The following GMEB1 variants were observed in gnomAD, a reference collection of about 807,000 sequenced individuals.
GMEB1 encodes glucocorticoid modulatory element-binding protein 1.
Under a neutral mutation model 52.4 loss-of-function variants are expected in GMEB1, and 6 were observed. The ratio of observed to expected loss-of-function variants is 0.11; its 90% CI spans 0.06 to 0.23. The LOEUF (loss-of-function observed/expected upper bound fraction) is 0.23. Ranked by LOEUF, GMEB1 falls within the 10% of genes least tolerant of loss-of-function variation. The pLI is 1.00. For synonymous variants in GMEB1, 255 were observed against 244.9 expected (o/e 1.04, Z -0.38); for missense variants, 486 against 685.6 (o/e 0.71, Z 3.25).
chr1:28,668,847 GGGGGAGGGGTGGGCGCGCGGGCGC>G lies in GMEB1; in HGVS notation c.-31+13_-31+36del, dbSNP rs1668728094. 6.8e-6 allele frequency: 1 copy of G among 146,916 alleles called. No individual in the cohort carries two copies. The highest frequency in any genetic ancestry group is 2.5e-5 in the African/African-American group (1 of 40,806). The allele number at this position is 146,916 out of a possible 1,614,324, so 9.1% of individuals were successfully genotyped here. On this transcript the variant is annotated intron_variant, in intron 1 of 9. Coordinates refer to ENST00000373816, the MANE Select transcript of GMEB1 (RefSeq NM_001319674.2). ...GCCCGCCCGACGGAGACGGTGAGGA[GGGGGAGGGGTGGGCGCGCGGGCGC>G]GGGGTGGGGTGGGGGCGGGGGGGCG...
chr1:28,677,299 C>T (rs1038152172), intron 1 of GMEB1, among the ~76,000 whole-genome samples: 2 of 151,518 alleles, frequency 1.3e-5, no homozygotes, highest in African/African-American at 4.9e-5. Context: ...GCTCTGTCGC[C>T]CAGGTTGGAG....
intron 1 of GMEB1, among the ~76,000 whole-genome samples, chr1:28,680,552 T>C (rs1242253810): frequency 2.0e-5 from 3 of 151,558 alleles, no homozygotes; most frequent in Non-Finnish European, 2.9e-5. Flanking sequence ...CTGGCCAATA[T>C]GGTGAAACCC....
chr1:28,711,611 C>T (rs918798525), intron 9 of GMEB1, among the ~76,000 whole-genome samples: 1 of 152,028 alleles, frequency 6.6e-6, no homozygotes, highest in Non-Finnish European at 1.5e-5. Flanking sequence ...CATGTACCAC[C>T]GTGCCCAGCT....
At chr1:28,686,093 C>T (rs1362033797) in intron 2 of GMEB1, among the ~76,000 whole-genome samples, 1 of 152,088 alleles carries the variant, frequency 6.6e-6, no homozygotes, top group Non-Finnish European at 1.5e-5. Flanking sequence ...GTAATCCTAG[C>T]ACTTTAGGAG....
In GMEB1 at chr1:28,705,277, C is replaced by T. The variant is rs550086746; in HGVS notation, c.868+948C>T. On this transcript the variant is annotated intron_variant, in intron 8 of 9. Coordinates refer to ENST00000373816, the MANE Select transcript of GMEB1 (RefSeq NM_001319674.2). ...CTGGGTATGGTGCACATCTGTAATC[C>T]CAGCTACTTGAGAGGTTGTGGCACG... is the stretch of plus-strand genomic sequence containing the variant. Among the ~76,000 whole-genome samples the T allele has an allele frequency of 1.5e-4, 22 of 151,104 alleles. No homozygotes were observed. The South Asian group carries it at 4.6e-3, about 32-fold the overall frequency.
At chr1:28,685,362 A>C (rs1018981013) in intron 2 of GMEB1, among the ~76,000 whole-genome samples, 5 of 151,980 alleles carry the variant, frequency 3.3e-5, no homozygotes, top group African/African-American at 1.2e-4. Context: ...GGCTCTTGCC[A>C]CCGTGCCTGG....
intron 6 of GMEB1, among the ~76,000 whole-genome samples, chr1:28,699,006 C>T (rs1468628557): frequency 6.6e-6 from 1 of 151,984 alleles, no homozygotes; most frequent in Non-Finnish European, 1.5e-5. Flanking sequence ...AAGAAAAATG[C>T]TTGCTTTACT....
chr1:28,673,496 C>T (rs1668997765), intron 1 of GMEB1, among the ~76,000 whole-genome samples: 1 of 151,956 alleles, frequency 6.6e-6, no homozygotes, highest in Admixed American at 6.6e-5. Context: ...ACCTTGTGAT[C>T]CACCCTCCTT....
intron 9 of GMEB1, among the ~76,000 whole-genome samples, chr1:28,712,904 G>A (rs550459310): frequency 6.6e-6 from 1 of 151,942 alleles, no homozygotes; most frequent in South Asian, 2.1e-4. Flanking sequence ...TGTAATCCCA[G>A]CAATTTGGGA....
At chr1:28,698,402 A>G (rs1180688249) in intron 6 of GMEB1, among the ~76,000 whole-genome samples, 1 of 150,462 alleles carries the variant, frequency 6.6e-6, no homozygotes, top group Non-Finnish European at 1.5e-5. Flanking sequence ...AAGCCTGGGC[A>G]TGGTGGCTCA....
Position 28,714,764 on chromosome 1 carries a change from A to T in GMEB1, c.1683A>T (p.Leu561Phe). 3.7e-6 allele frequency: 6 copies of T among 1,606,134 alleles called. No homozygotes were observed. Among genetic ancestry groups the T allele is most frequent in the Non-Finnish European group, 5.1e-6 (6 of 1,173,062 alleles). Reference sequence around the variant, plus strand: ...TTCACAATGTGGAGATTGTGGTCTTAGAGGATTAACTGGGGATCTCAGGGC... The same window carrying T: ...TTCACAATGTGGAGATTGTGGTCTTTGAGGATTAACTGGGGATCTCAGGGC... ...HQVHNVEIVVLED is the reference protein window; with the variant it reads ...HQVHNVEIVVFED The change falls in exon 10 of 10, where the codon TTA (leucine) becomes TTT (phenylalanine). Residue 561 changes from leucine to phenylalanine, a missense_variant. Leu to Phe is a conservative substitution (Grantham distance 22). This residue lies in a region of GMEB1 where 153 missense variants were observed against 200.8 expected (regional missense o/e 0.76). Coordinates refer to ENST00000373816, the MANE Select transcript of GMEB1 (RefSeq NM_001319674.2).
At chr1:28,684,511 C>T (rs549955371) in intron 2 of GMEB1, among the ~76,000 whole-genome samples, 55 of 146,496 alleles carry the variant, frequency 3.8e-4, no homozygotes, top group East Asian at 2.7e-3. Flanking sequence ...TGTAGTGAGC[C>T]GAGATCGCGC....
intron 1 of GMEB1, among the ~76,000 whole-genome samples, chr1:28,682,594 T>C (rs918906912): frequency 7.3e-6 from 1 of 137,146 alleles, no homozygotes. Context: ...AGCACTCGTC[T>C]GGGCGACAGA....
chr1:28,692,151 C>T (rs1278696499), intron 4 of GMEB1, among the ~76,000 whole-genome samples: 1 of 151,766 alleles, frequency 6.6e-6, no homozygotes, highest in Admixed American at 6.6e-5. Flanking sequence ...GCTGGGACCA[C>T]AGGTGTGCAC....
intron 9 of GMEB1, among the ~76,000 whole-genome samples, chr1:28,711,083 T>C (rs1392265082): frequency 6.6e-6 from 1 of 152,026 alleles, no homozygotes; most frequent in Non-Finnish European, 1.5e-5. Context: ...GTCAAGAGAT[T>C]GAGACAATCC....
intron 5 of GMEB1, among the ~76,000 whole-genome samples, chr1:28,695,103 T>C (rs1040694347): frequency 3.3e-5 from 5 of 151,514 alleles, no homozygotes; most frequent in Non-Finnish European, 5.9e-5. Context: ...TAGCTGAGAT[T>C]ACAGGTGCGC....
At chr1:28,708,338 A>T (rs769107389) in intron 8 of GMEB1, among the ~76,000 whole-genome samples, 2 of 151,500 alleles carry the variant, frequency 1.3e-5, no homozygotes, top group African/African-American at 2.4e-5. Flanking sequence ...CTAATTTTTC[A>T]TATTTTTAGT....
intron 2 of GMEB1, among the ~76,000 whole-genome samples, chr1:28,689,390 G>A (rs1669848181): frequency 6.6e-6 from 1 of 151,998 alleles, no homozygotes; most frequent in African/African-American, 2.4e-5. Context: ...ACTTTGGGAG[G>A]CCGAGGCAGG....
At chr1:28,697,481 T>A (rs1670281853) in intron 6 of GMEB1, among the ~76,000 whole-genome samples, 1 of 152,014 alleles carries the variant, frequency 6.6e-6, no homozygotes, top group Non-Finnish European at 1.5e-5. Context: ...GTGCTGGGAT[T>A]ACAGGCATGA....
Sources: gnomAD v4.1 joint callset for allele counts (sites outside exome capture counted in the v4.1 genomes callset) on GRCh38, gnomAD v4.1.1 for gene constraint, gnomAD v4.1.1 regional missense constraint, MANE v1.5 for transcripts, NCBI Gene and HGNC (gene_info 2026-07-23, HGNC 2026-07-21) for gene names.